The following SOX5 variants were observed in gnomAD, a reference collection of about 807,000 sequenced individuals.
The protein encoded by SOX5 is transcription factor SOX-5.
Under a neutral mutation model 92.0 loss-of-function variants are expected in SOX5, and 9 were observed. The observed-to-expected ratio is 0.10, with a 90% CI of 0.06 to 0.17. The LOEUF (loss-of-function observed/expected upper bound fraction) is 0.17. Among genes scored for constraint, SOX5 ranks in the 10% least tolerant of loss-of-function variants. The pLI, the probability that SOX5 is intolerant of heterozygous loss-of-function variation, is 1.00. For synonymous variants in SOX5, 344 were observed against 336.3 expected (o/e 1.02, Z -0.25); for missense variants, 642 against 944.5 (o/e 0.68, Z 4.20).
intron 7 of SOX5, among the ~76,000 whole-genome samples, chr12:23,647,880 G>A (rs1357610428): frequency 1.3e-5 from 2 of 152,158 alleles, no homozygotes; most frequent in Non-Finnish European, 2.9e-5. Context: ...CAATAAGGCT[G>A]TTTCACTTTC....
intron 3 of SOX5, among the ~76,000 whole-genome samples, chr12:23,776,750 G>C (rs1265454199): frequency 1.3e-5 from 2 of 152,024 alleles, no homozygotes; most frequent in Non-Finnish European, 2.9e-5. Context: ...TTCACAATAG[G>C]ATTCGTGTGC....
chr12:24,095,122 C>CAGAGAGAGAGAGAGAGAG (rs1375437943), intron 4 of SOX5, among the ~76,000 whole-genome samples: 86 of 93,944 alleles, frequency 9.2e-4, no homozygotes, highest in South Asian at 4.7e-3. Context: ...CACACACACA[C>CAGAGAGAGAGAGAGAGAG]ACACACAGAG....
chr12:23,681,944 T>G (rs2086692130), intron 6 of SOX5, among the ~76,000 whole-genome samples: 1 of 151,682 alleles, frequency 6.6e-6, no homozygotes, highest in Non-Finnish European at 1.5e-5. Context: ...TGATGAAAAA[T>G]TTAGAGAACT....
At chr12:23,815,944 A>G (rs959073557) in intron 3 of SOX5, among the ~76,000 whole-genome samples, 1 of 152,198 alleles carries the variant, frequency 6.6e-6, no homozygotes, top group Non-Finnish European at 1.5e-5. Flanking sequence ...GTTACATTAC[A>G]TTAATATGTA....
intron 4 of SOX5, among the ~76,000 whole-genome samples, chr12:23,741,342 T>C (rs189542802): frequency 1.3e-5 from 2 of 151,950 alleles, no homozygotes; most frequent in African/African-American, 4.8e-5. Flanking sequence ...TAATCTATAG[T>C]TTTTTTTAAC....
chr12:23,784,483 C>A (rs1172766947), intron 3 of SOX5, among the ~76,000 whole-genome samples: 1 of 152,036 alleles, frequency 6.6e-6, no homozygotes, highest in East Asian at 1.9e-4. Context: ...CCCGCCACCA[C>A]GCCCGGCTAA....
chr12:24,422,350 T>A (rs1966053747), intron 1 of SOX5, among the ~76,000 whole-genome samples: 1 of 152,088 alleles, frequency 6.6e-6, no homozygotes. Context: ...AGTAATTCTA[T>A]CAAAAAAATA....
At chr12:23,650,173 C>T (rs1414477356) in intron 7 of SOX5, among the ~76,000 whole-genome samples, 1 of 151,950 alleles carries the variant, frequency 6.6e-6, no homozygotes, top group Non-Finnish European at 1.5e-5. Flanking sequence ...TCCAAATATA[C>T]AATAAGCAAA....
intron 6 of SOX5, among the ~76,000 whole-genome samples, chr12:23,692,812 G>A (rs1412481508): frequency 1.3e-5 from 2 of 152,114 alleles, no homozygotes; most frequent in East Asian, 1.9e-4. Flanking sequence ...CTATCTCTCT[G>A]AGGTTCTCTC....
At chr12:23,566,797 A>G (rs1947186270) in intron 10 of SOX5, among the ~76,000 whole-genome samples, 3 of 152,238 alleles carry the variant, frequency 2.0e-5, no homozygotes. Flanking sequence ...AGTAACTGTC[A>G]CTTTATAAAA....
chr12:24,147,925 A>G (rs1355748431), intron 4 of SOX5, among the ~76,000 whole-genome samples: 8 of 152,312 alleles, frequency 5.3e-5, no homozygotes, highest in Admixed American at 2.6e-4. Context: ...GGAGATATTT[A>G]CTTCATTGGT....
At chr12:23,551,987 A>T (rs1004676051) in intron 11 of SOX5, among the ~76,000 whole-genome samples, 11 of 151,940 alleles carry the variant, frequency 7.2e-5, no homozygotes, top group African/African-American at 2.7e-4. Context: ...CTTAAGAAGT[A>T]CTACAAAGTC....
chr12:23,715,737 G>A (rs2092439206), intron 6 of SOX5, among the ~76,000 whole-genome samples: 1 of 144,436 alleles, frequency 6.9e-6, no homozygotes, highest in Admixed American at 7.1e-5. Context: ...ACAGAAATAT[G>A]AGTGGTAACA....
At chr12:24,228,448 AT>A (rs1175939746) in intron 3 of SOX5, among the ~76,000 whole-genome samples, 1 of 152,116 alleles carries the variant, frequency 6.6e-6, no homozygotes, top group Non-Finnish European at 1.5e-5. Flanking sequence ...TTGTGACAAC[AT>A]TTTTGTCCAT....
chr12:24,514,271 C>A (rs779872171), intron 1 of SOX5, among the ~76,000 whole-genome samples: 3 of 152,148 alleles, frequency 2.0e-5, no homozygotes, highest in Non-Finnish European at 4.4e-5. Context: ...AATGCAGAAT[C>A]CTGACAATTT....
intron 3 of SOX5, among the ~76,000 whole-genome samples, chr12:23,756,582 C>A (rs1231784268): frequency 6.6e-6 from 1 of 151,918 alleles, no homozygotes; most frequent in Non-Finnish European, 1.5e-5. Flanking sequence ...GATGGATACA[C>A]AATTACAATG....
At chr12:24,474,011 T>C (rs768507832) in intron 1 of SOX5, among the ~76,000 whole-genome samples, 1 of 152,204 alleles carries the variant, frequency 6.6e-6, no homozygotes, top group African/African-American at 2.4e-5. Flanking sequence ...GGCCATTTTA[T>C]AGCATACTCA....
At chr12:24,352,435 G>T (rs1055321154) in intron 2 of SOX5, among the ~76,000 whole-genome samples, 2 of 152,160 alleles carry the variant, frequency 1.3e-5, no homozygotes, top group African/African-American at 4.8e-5. Context: ...GGGTCCCACA[G>T]GTTCATGTCA....
intron 4 of SOX5, among the ~76,000 whole-genome samples, chr12:24,000,480 A>C (rs1163583685): frequency 2.0e-5 from 3 of 152,082 alleles, no homozygotes; most frequent in African/African-American, 7.2e-5. Context: ...GTTAGTATCC[A>C]ACTGATCTAC....
Sources: gnomAD v4.1 joint callset for allele counts (sites outside exome capture counted in the v4.1 genomes callset) on GRCh38, gnomAD v4.1.1 for gene constraint, MANE v1.5 for transcripts, NCBI Gene and HGNC (gene_info 2026-07-23, HGNC 2026-07-21) for gene names.